The following GRXCR1 variants were observed in gnomAD, a reference collection of about 807,000 sequenced individuals.
The protein encoded by GRXCR1 is glutaredoxin and cysteine rich domain containing 1, also known as glutaredoxin domain-containing cysteine-rich protein 1.
Under a neutral mutation model 27.3 loss-of-function variants are expected in GRXCR1, and 27 were observed. The ratio of observed to expected loss-of-function variants is 0.99; its 90% CI spans 0.73 to 1.37. The LOEUF is 1.37. Ranked by LOEUF, GRXCR1 falls within the 40% of genes most tolerant of loss-of-function variation. The pLI is 0.00. For synonymous variants in GRXCR1, 122 were observed against 131.1 expected (o/e 0.93, Z 0.47); for missense variants, 379 against 354.4 (o/e 1.07, Z -0.56).
At chr4:42,929,793 CAAT>C (rs1421583798) in intron 1 of GRXCR1, among the ~76,000 whole-genome samples, 2 of 151,886 alleles carry the variant, frequency 1.3e-5, no homozygotes, top group African/African-American at 4.8e-5. Flanking sequence ...CTTGATATAG[CAAT>C]AATAATAATT....
chr4:42,932,197 A>G (rs925638038), intron 1 of GRXCR1, among the ~76,000 whole-genome samples: 2 of 151,636 alleles, frequency 1.3e-5, no homozygotes, highest in African/African-American at 4.8e-5. Flanking sequence ...GTCTTATTGA[A>G]ATTTTGTGTC....
chr4:42,998,558 G>A (rs1260609915), intron 2 of GRXCR1, among the ~76,000 whole-genome samples: 1 of 152,124 alleles, frequency 6.6e-6, no homozygotes, highest in Non-Finnish European at 1.5e-5. Flanking sequence ...AAAATGGCCA[G>A]GCTTGTAAGG....
intron 1 of GRXCR1, among the ~76,000 whole-genome samples, chr4:42,897,029 T>C (rs994670977): frequency 1.3e-5 from 2 of 152,088 alleles, no homozygotes; most frequent in South Asian, 4.1e-4. Context: ...TATCTCTATC[T>C]AGATACATAA....
intron 1 of GRXCR1, among the ~76,000 whole-genome samples, chr4:42,957,000 C>T (rs185386049): frequency 4.7e-4 from 71 of 152,130 alleles, no homozygotes; most frequent in Admixed American, 7.2e-4. Context: ...TATCTAGAGT[C>T]ACTTAATACC....
rs1748699725 is a variant in GRXCR1 at position 42,982,505 on chromosome 4, G to T, written c.627+19371G>T. On this transcript the variant is annotated intron_variant, in intron 2 of 3. Coordinates refer to ENST00000399770, the MANE Select transcript of GRXCR1 (RefSeq NM_001080476.3). ...AGTCTTTGCTATTGTGAATAATGCT[G>T]CAATAAACATACGTGTGCATGTGTC... Among the ~76,000 whole-genome samples the T allele has an allele frequency of 4.1e-5, 5 of 120,986 alleles. No individual in the cohort carries two copies. In the South Asian group the frequency reaches 1.3e-3, roughly 32 times the overall value. 79.4% of individuals were successfully genotyped at this position (120,986 alleles called of 152,430 possible).
rs904129893 is a variant in GRXCR1, at chr4:42,947,353, A to C, written c.385-15539A>C. On this transcript the variant is annotated intron_variant, in intron 1 of 3. Transcript: ENST00000399770. ...GGATGTTGTATTTGCCAATGGGAAA[A>C]GAGTCTCATGATTTTGTGACCTTAA... Among the ~76,000 whole-genome samples, 6 of 152,262 alleles carry C rather than the reference A, an allele frequency of 3.9e-5. No individual in the cohort carries two copies. The South Asian group carries it at 1.2e-3, about 32-fold the overall frequency.
intron 1 of GRXCR1, among the ~76,000 whole-genome samples, chr4:42,932,113 A>G (rs1023855994): frequency 3.9e-5 from 6 of 151,986 alleles, no homozygotes; most frequent in Admixed American, 3.3e-4. Flanking sequence ...GCTACAATTC[A>G]AGATGAGATT....
At chr4:42,919,401 T>C (rs1381274783) in intron 1 of GRXCR1, among the ~76,000 whole-genome samples, 1 of 152,170 alleles carries the variant, frequency 6.6e-6, no homozygotes, top group Non-Finnish European at 1.5e-5. Flanking sequence ...TTTGAGGATA[T>C]GGGGCAGCTT....
chr4:42,932,617 TATAGAGAGAG>T (rs56262066), intron 1 of GRXCR1, among the ~76,000 whole-genome samples: 14 of 29,132 alleles, frequency 4.8e-4, no homozygotes, highest in South Asian at 1.9e-3. Flanking sequence ...TATATATATA[TATAGAGAGAG>T]AGAGAGAGAG....
In GRXCR1 at chr4:42,991,839, A is replaced by G. The variant is rs572771903; in HGVS notation, c.628-28515A>G. Among the ~76,000 whole-genome samples the G allele has an allele frequency of 6.2e-4, 95 of 152,284 alleles. 1 individual carries two copies. Among genetic ancestry groups the G allele is most frequent in the Admixed American group, 5.4e-3 (82 of 15,296 alleles). ...AATCAATTTTCAATCCCTTGGAGACAATATTGCCCTCATCGAGAATGCTGC... is the reference window on the plus strand; with the variant it reads ...AATCAATTTTCAATCCCTTGGAGACGATATTGCCCTCATCGAGAATGCTGC... On this transcript the variant is annotated intron_variant, in intron 2 of 3. Transcript: ENST00000399770.
chr4:42,951,984 T>C (rs903150263), intron 1 of GRXCR1, among the ~76,000 whole-genome samples: 4 of 152,322 alleles, frequency 2.6e-5, no homozygotes, highest in Non-Finnish European at 4.4e-5. Flanking sequence ...TAACTGAAAT[T>C]CACTTATTTG....
At chr4:43,019,294 C>T (rs1190661675) in intron 2 of GRXCR1, among the ~76,000 whole-genome samples, 1 of 152,156 alleles carries the variant, frequency 6.6e-6, no homozygotes, top group African/African-American at 2.4e-5. Flanking sequence ...CAAAAAAATA[C>T]ACTTTTACAT....
chr4:42,987,588 A>T (rs1711820483), intron 2 of GRXCR1, among the ~76,000 whole-genome samples: 1 of 152,048 alleles, frequency 6.6e-6, no homozygotes, highest in Admixed American at 6.6e-5. Context: ...AGAAGATTTC[A>T]ATAAGAAGTG....
In GRXCR1 at chr4:43,022,412, C is replaced by G. The variant is rs148829247; in HGVS notation, c.693+1993C>G. Among the ~76,000 whole-genome samples, 576 of 152,288 alleles carry G rather than the reference C, an allele frequency of 3.8e-3. 2 individuals carry two copies. Among genetic ancestry groups the G allele is most frequent in the Non-Finnish European group, 5.3e-3 (363 of 68,010 alleles). On this transcript the variant is annotated intron_variant, in intron 3 of 3. Coordinates refer to ENST00000399770, the MANE Select transcript of GRXCR1 (RefSeq NM_001080476.3). ...CAGTACCATGGTAGATAATCTCTCTCTCTCCATCAGCTCAAAAACTTTGGA... is the reference window on the plus strand; with the variant it reads ...CAGTACCATGGTAGATAATCTCTCTGTCTCCATCAGCTCAAAAACTTTGGA...
intron 1 of GRXCR1, among the ~76,000 whole-genome samples, chr4:42,914,351 G>A (rs996313777): frequency 3.3e-5 from 5 of 152,250 alleles, no homozygotes; most frequent in African/African-American, 1.2e-4. Flanking sequence ...GCATGATCTG[G>A]ATGTGAGACA....
chr4:42,928,967 CT>C (rs1747235972), intron 1 of GRXCR1, among the ~76,000 whole-genome samples: 2 of 151,982 alleles, frequency 1.3e-5, no homozygotes, highest in African/African-American at 4.8e-5. Flanking sequence ...TCTAGAAAGA[CT>C]TTTTTCTTTA....
intron 1 of GRXCR1, among the ~76,000 whole-genome samples, chr4:42,913,198 A>G (rs1219569461): frequency 6.6e-6 from 1 of 152,210 alleles, no homozygotes; most frequent in African/African-American, 2.4e-5. Flanking sequence ...AAAGATACCA[A>G]AAAATGTGGA....
In GRXCR1 at chr4:42,972,077, TG is replaced by T. The variant is rs1264222176; in HGVS notation, c.627+8944del. Reference sequence around the variant, plus strand: ...ATGTCTGGCTAATTTTTAAATTTTTTGTAGAGGTGGGGTTTCACCATTTGCC... The same window carrying T: ...ATGTCTGGCTAATTTTTAAATTTTTTTAGAGGTGGGGTTTCACCATTTGCC... On this transcript the variant is annotated intron_variant, in intron 2 of 3. Transcript: ENST00000399770. 3.3e-5 allele frequency among the ~76,000 whole-genome samples: 5 copies of T among 152,216 alleles called. No homozygotes were observed. In the East Asian group the frequency reaches 9.7e-4, roughly 29 times the overall value.
chr4:43,013,057 G>A (rs1712811966), intron 2 of GRXCR1, among the ~76,000 whole-genome samples: 1 of 152,184 alleles, frequency 6.6e-6, no homozygotes, highest in South Asian at 2.1e-4. Context: ...AAAAGGGAAT[G>A]CTTGTATTAC....
Sources: gnomAD v4.1 joint callset for allele counts (sites outside exome capture counted in the v4.1 genomes callset) on GRCh38, gnomAD v4.1.1 for gene constraint, MANE v1.5 for transcripts, NCBI Gene and HGNC (gene_info 2026-07-23, HGNC 2026-07-21) for gene names.